Variants in UFD1 observed in about 807,000 individuals in gnomAD.
UFD1 encodes ubiquitin recognition factor in ER-associated degradation protein 1.
In UFD1, 13 loss-of-function variants were observed where a neutral mutation model predicts 45.9. The ratio of observed to expected loss-of-function variants is 0.28; its 90% CI spans 0.18 to 0.45. The LOEUF (loss-of-function observed/expected upper bound fraction) is 0.45. UFD1 is among the 20% of genes least tolerant of loss of function. The probability of loss-of-function intolerance (pLI) is 1.00; values close to 1 mark genes in which losing one functional copy is unlikely to be tolerated. For synonymous variants in UFD1, 128 were observed against 139.2 expected (o/e 0.92, Z 0.56); for missense variants, 218 against 389.2 (o/e 0.56, Z 3.70).
chr22:19,450,395 A>G lies in UFD1; in HGVS notation c.*275T>C. 2 of 402,732 alleles carry G rather than the reference A, an allele frequency of 5.0e-6. No individual in the cohort carries two copies. Among genetic ancestry groups the G allele is most frequent in the Non-Finnish European group, 9.1e-6 (2 of 220,072 alleles). 24.9% of individuals were successfully genotyped at this position (402,732 alleles called of 1,614,324 possible). A position where few individuals can be genotyped will look rare whatever the true frequency, so the allele number is the denominator to read the frequency against. On this transcript the variant is annotated 3_prime_UTR_variant, in exon 12 of 12. Transcript: ENST00000263202. ...GAATTGCTCCTGCTGAGGCAGTGGG[A>G]GCTCCCCTCAAGCTGAAAGCGTGAA...
At chr22:19,458,171 G>C in intron 6 of UFD1, 32 bp from the exon 7 acceptor site, 2 of 1,612,762 alleles carry the variant, frequency 1.2e-6, no homozygotes, top group Non-Finnish European at 8.5e-7. Flanking sequence ...CAGTTGGATG[G>C]TTTCCTGGCA....
At chr22:19,468,059 C>T in intron 4 of UFD1, 56 bp from the exon 5 acceptor site, 1 of 1,606,750 alleles carries the variant, frequency 6.2e-7, no homozygotes, top group Non-Finnish European at 8.5e-7. Context: ...CCTCCACAAC[C>T]ACTGCTCCCT....
chr22:19,459,759 G>A (rs2089751678), intron 6 of UFD1, among the ~76,000 whole-genome samples: 1 of 115,056 alleles, frequency 8.7e-6, no homozygotes, highest in Non-Finnish European at 1.7e-5. Context: ...TTTTTTTCGA[G>A]ATGGAGGCTC....
intron 6 of UFD1, among the ~76,000 whole-genome samples, chr22:19,463,699 G>C (rs545857399): frequency 6.6e-6 from 1 of 152,190 alleles, no homozygotes; most frequent in African/African-American, 2.4e-5. Flanking sequence ...TCTCCCACTA[G>C]AGCACTGATA....
chr22:19,478,990 TCCGCCGCCGTC>T, intron 1 of UFD1, 82 bp downstream of exon 1: 1 of 1,495,372 alleles, frequency 6.7e-7, no homozygotes. Context: ...ACTCGGCACC[TCCGCCGCCGTC>T]CCGCCCCGCC....
At chr22:19,460,247 C>T (rs1409700861) in intron 6 of UFD1, among the ~76,000 whole-genome samples, 1 of 152,142 alleles carries the variant, frequency 6.6e-6, no homozygotes, top group Non-Finnish European at 1.5e-5. Context: ...GTTAATGACA[C>T]TACTATAAAC....
At chr22:19,473,865 CTGCT>C (rs910739151) in intron 3 of UFD1, among the ~76,000 whole-genome samples, 1 of 152,228 alleles carries the variant, frequency 6.6e-6, no homozygotes, top group African/African-American at 2.4e-5. Flanking sequence ...CACCTGTTCT[CTGCT>C]TGCTGCCACC....
At chr22:19,453,958 A>T (rs1257459314) in intron 11 of UFD1, 3 of 985,452 alleles carry the variant, frequency 3.0e-6, no homozygotes, top group Non-Finnish European at 3.6e-6. Flanking sequence ...CAAAGAGGTG[A>T]CTGCGTTCCA....
chr22:19,450,762 A>T lies in UFD1; in HGVS notation c.850-18T>A. ...GCTTCATCCTAGGTTTGAAGAGAAG[A>T]TACTATTTTCAGAAACTCCCTGGAG... On this transcript the variant is annotated intron_variant, in intron 11 of 11. Coordinates refer to ENST00000263202, the MANE Select transcript of UFD1 (RefSeq NM_005659.7). 1 of 1,614,118 alleles carries T rather than the reference A, an allele frequency of 6.2e-7. No homozygotes were observed.
At chr22:19,464,431 G>C (rs917483350) in intron 6 of UFD1, among the ~76,000 whole-genome samples, 1 of 152,242 alleles carries the variant, frequency 6.6e-6, no homozygotes, top group African/African-American at 2.4e-5. Flanking sequence ...GCCTGTGGTG[G>C]GACAGCCTGA....
Position 19,451,252 on chromosome 22 carries a change from G to A in UFD1, c.850-508C>T, listed in dbSNP as rs149819150. ...CTCATGCCAATAAACTTCCTGTCTAGTATACTCCCAAGGCTACAGAACTGA... is the reference window on the plus strand; with the variant it reads ...CTCATGCCAATAAACTTCCTGTCTAATATACTCCCAAGGCTACAGAACTGA... On this transcript the variant is annotated intron_variant, in intron 11 of 11. Transcript: ENST00000263202. 2.5e-3 allele frequency: 2,462 copies of A among 985,686 alleles called. 7 individuals are homozygous for A. The highest frequency in any genetic ancestry group is 0.01 in the Middle Eastern group (20 of 1,914). 61.1% of individuals were successfully genotyped at this position (985,686 alleles called of 1,614,324 possible).
At chr22:19,456,951 G>A (rs1330714955) in intron 7 of UFD1, 33 bp from the exon 8 acceptor site, 1 of 1,423,978 alleles carries the variant, frequency 7.0e-7, no homozygotes, top group East Asian at 2.5e-5. Context: ...GTAAAATATT[G>A]AGACATGACC....
At chr22:19,460,531 T>C (rs1034120571) in intron 6 of UFD1, among the ~76,000 whole-genome samples, 4 of 152,144 alleles carry the variant, frequency 2.6e-5, no homozygotes, top group African/African-American at 9.7e-5. Flanking sequence ...CTCCTCAAAC[T>C]ACCTGGGAAG....
chr22:19,464,401 C>T (rs1278347982), intron 6 of UFD1, among the ~76,000 whole-genome samples: 1 of 152,232 alleles, frequency 6.6e-6, no homozygotes, highest in African/African-American at 2.4e-5. Context: ...AACAGGGGCA[C>T]CCATATTACT....
In UFD1 at chr22:19,454,839, A is replaced by C. The variant is rs966861162; in HGVS notation, c.768-9T>G. Reference sequence around the variant, plus strand: ...CATAATTGGGAATTCCTCTGTAAGAAGAGACAGAGACAGAGAAATGTTATT... The same window carrying C: ...CATAATTGGGAATTCCTCTGTAAGACGAGACAGAGACAGAGAAATGTTATT... On this transcript the variant is annotated splice_polypyrimidine_tract_variant and intron_variant, in intron 10 of 11. Transcript: ENST00000263202. The C allele has an allele frequency of 1.9e-6, 3 of 1,606,950 alleles. No individual in the cohort carries two copies. The African/African-American group carries it at 4.0e-5, about 22-fold the overall frequency.
At chr22:19,478,000 C>T (rs922930447) in intron 1 of UFD1, among the ~76,000 whole-genome samples, 2 of 152,158 alleles carry the variant, frequency 1.3e-5, no homozygotes, top group Non-Finnish European at 2.9e-5. Context: ...TGAACAAGGC[C>T]AGAACAGGGT....
chr22:19,479,131 G>T lies in UFD1; in HGVS notation c.-46C>A, dbSNP rs1372405121. 1.2e-6 allele frequency: 2 copies of T among 1,606,570 alleles called. No homozygotes were observed. Among genetic ancestry groups the T allele is most frequent in the East Asian group, 2.2e-5 (1 of 44,554 alleles). On this transcript the variant is annotated 5_prime_UTR_variant, in exon 1 of 12. Coordinates refer to ENST00000263202, the MANE Select transcript of UFD1 (RefSeq NM_005659.7). ...CTCCGCTCCTCTCAGGCAATGCAACGAAGAAACCCCGCCGACCGCTCTCCC... is the reference window on the plus strand; with the variant it reads ...CTCCGCTCCTCTCAGGCAATGCAACTAAGAAACCCCGCCGACCGCTCTCCC...
At chr22:19,478,262 AGAAAT>A (rs2089905746) in intron 1 of UFD1, among the ~76,000 whole-genome samples, 1 of 152,214 alleles carries the variant, frequency 6.6e-6, no homozygotes, top group Admixed American at 6.5e-5. Flanking sequence ...ACTCAAGAAT[AGAAAT>A]AAGCCAGGGT....
At chr22:19,474,503 G>A (rs536716938) in intron 3 of UFD1, among the ~76,000 whole-genome samples, 7 of 152,196 alleles carry the variant, frequency 4.6e-5, no homozygotes, top group South Asian at 2.1e-4. Flanking sequence ...CCAAGATTGC[G>A]CCACTGCACT....
Sources: allele counts gnomAD v4.1 joint callset (sites outside exome capture counted in the v4.1 genomes callset), GRCh38; gene constraint gnomAD v4.1.1; transcripts MANE v1.5; gene names NCBI Gene and HGNC (gene_info 2026-07-23, HGNC 2026-07-21).